SLFN12L: variants seen among roughly 807,000 people sequenced by gnomAD.
SLFN12L encodes the protein schlafen family member 12 like.
SLFN12L carries 34 observed loss-of-function variants against 34.8 expected under a neutral mutation model. The observed-to-expected ratio is 0.98, with a 90% CI of 0.74 to 1.30. The LOEUF (loss-of-function observed/expected upper bound fraction) is 1.30. Among genes scored for constraint, SLFN12L ranks in the 50% most tolerant of loss-of-function variants. The pLI is 0.00. For missense variants in SLFN12L, 703 were observed against 696.2 expected, an observed-to-expected ratio of 1.01 and a Z score of -0.11; for synonymous variants, 259 against 247.5, an observed-to-expected ratio of 1.05 and a Z score of -0.44.
chr17:35,470,169 A>G lies in SLFN12L; in HGVS notation c.*4754T>C, dbSNP rs1003617667. 3.9e-5 allele frequency: 6 copies of G among 152,234 alleles called. No homozygotes were observed. The highest frequency in any genetic ancestry group is 7.3e-5 in the Non-Finnish European group (5 of 68,044). The allele number at this position is 152,234 out of a possible 1,614,324, so 9.4% of individuals were successfully genotyped here. A position where few individuals can be genotyped will look rare whatever the true frequency, so the allele number is the denominator to read the frequency against. On this transcript the variant is annotated 3_prime_UTR_variant, in exon 5 of 5. Coordinates refer to ENST00000628453, the MANE Select transcript of SLFN12L (RefSeq NM_001363830.2). ...ATCTGAAGGTTTCACCAAAGTTTAT[A>G]TTTTCCTACTGCAAAACTATGTTCC...
intron 1 of SLFN12L, among the ~76,000 whole-genome samples, chr17:35,526,066 TG>T (rs2072331844): frequency 6.6e-6 from 1 of 152,150 alleles, no homozygotes; most frequent in Non-Finnish European, 1.5e-5. Flanking sequence ...TCTTAGTCTC[TG>T]ATAAAACAGA....
In SLFN12L at chr17:35,488,355, A is replaced by C. The variant is rs936981661; in HGVS notation, c.87-8160T>G. Among the ~76,000 whole-genome samples, 119 of 152,178 alleles carry C rather than the reference A, an allele frequency of 7.8e-4. 1 individual carries two copies. Among genetic ancestry groups the C allele is most frequent in the Non-Finnish European group, 9.4e-4 (64 of 68,026 alleles). On this transcript the variant is annotated intron_variant, in intron 2 of 4. Coordinates refer to ENST00000628453, the MANE Select transcript of SLFN12L (RefSeq NM_001363830.2). ...AGCAGCTACTAATGCACAGGGGAGG[A>C]GGGAGGTGCGAGGAGCGGGTTGCTC...
intron 1 of SLFN12L, among the ~76,000 whole-genome samples, chr17:35,532,560 C>A (rs1315707475): frequency 6.6e-6 from 1 of 151,986 alleles, no homozygotes; most frequent in East Asian, 1.9e-4. Flanking sequence ...TTATAAAGTA[C>A]CTGGCTCCGT....
intron 2 of SLFN12L, among the ~76,000 whole-genome samples, chr17:35,494,276 T>C (rs1246120511): frequency 6.6e-6 from 1 of 152,052 alleles, no homozygotes; most frequent in East Asian, 1.9e-4. Context: ...TGTAAACAGA[T>C]TTGTTACAGG....
chr17:35,526,133 G>C (rs2072332547), intron 1 of SLFN12L, among the ~76,000 whole-genome samples: 1 of 152,052 alleles, frequency 6.6e-6, no homozygotes, highest in Non-Finnish European at 1.5e-5. Flanking sequence ...AATGGTAAAG[G>C]GATCAATGCA....
At chr17:35,520,263 G>A (rs1915957541) in intron 2 of SLFN12L, among the ~76,000 whole-genome samples, 2 of 152,180 alleles carry the variant, frequency 1.3e-5, no homozygotes, top group Non-Finnish European at 2.9e-5. Context: ...GCTTTGACTG[G>A]ACAAGAGACT....
At chr17:35,515,153 A>T in intron 2 of SLFN12L, 2 of 626,208 alleles carry the variant, frequency 3.2e-6, no homozygotes, top group South Asian at 2.7e-5. Flanking sequence ...AGGGCCCCGA[A>T]TACTCCAGCG....
chr17:35,513,518 C>T (rs1047053871), intron 2 of SLFN12L, among the ~76,000 whole-genome samples: 1 of 152,180 alleles, frequency 6.6e-6, no homozygotes, highest in Non-Finnish European at 1.5e-5. Flanking sequence ...CTGCTCAGTT[C>T]GACAGATGCC....
In SLFN12L at chr17:35,465,659, G is replaced by T. The variant is rs912825828; in HGVS notation, c.*9264C>A. 1.3e-5 allele frequency among the ~76,000 whole-genome samples: 2 copies of T among 151,094 alleles called. No individual in the cohort carries two copies. Among genetic ancestry groups the T allele is most frequent in the African/African-American group, 4.9e-5 (2 of 41,028 alleles). On this transcript the variant is annotated 3_prime_UTR_variant, in exon 5 of 5. Coordinates refer to ENST00000628453, the MANE Select transcript of SLFN12L (RefSeq NM_001363830.2). ...CTTGTCCGTTTAACAGCCCAGTGTT[G>T]CCTGTTCTTAAACCTGGAAAATAAT...
chr17:35,476,510 G>T (rs1914025168), intron 4 of SLFN12L, among the ~76,000 whole-genome samples: 1 of 143,846 alleles, frequency 7.0e-6, no homozygotes, highest in African/African-American at 2.7e-5. Flanking sequence ...AGGAAGGAAG[G>T]AAGGAAGGAA....
rs9286730 is a variant in SLFN12L at position 35,469,337 on chromosome 17, T to A, written c.*5586A>T. 1.2e-4 allele frequency among the ~76,000 whole-genome samples: 13 copies of A among 104,498 alleles called. No homozygotes were observed. The highest frequency in any genetic ancestry group is 6.4e-3 in the Middle Eastern group (1 of 156). 68.6% of individuals were successfully genotyped at this position (104,498 alleles called of 152,430 possible). On this transcript the variant is annotated 3_prime_UTR_variant, in exon 5 of 5. Coordinates refer to ENST00000628453, the MANE Select transcript of SLFN12L (RefSeq NM_001363830.2). ...TATATTATATATATAAATATATATATAATATATATATATATGTATTTCAAA... is the reference window on the plus strand; with the variant it reads ...TATATTATATATATAAATATATATAAAATATATATATATATGTATTTCAAA...
At chr17:35,495,634 G>A (rs1450835276) in intron 2 of SLFN12L, among the ~76,000 whole-genome samples, 1 of 151,766 alleles carries the variant, frequency 6.6e-6, no homozygotes, top group Non-Finnish European at 1.5e-5. Flanking sequence ...GGGGTGGGTT[G>A]CGGCGCTCAG....
At position 35,519,467 on chromosome 17, in the gene SLFN12L, T is replaced by C. The variant is rs9907489; in HGVS notation, c.86+2812A>G. On this transcript the variant is annotated intron_variant, in intron 2 of 4. Transcript: ENST00000628453. Reference sequence around the variant, plus strand: ...AAAATATTAAATAAATACCTATAAGTTCATTCATACAAGTAAAAGATTGAA... The same window carrying C: ...AAAATATTAAATAAATACCTATAAGCTCATTCATACAAGTAAAAGATTGAA... Among the ~76,000 whole-genome samples, 294 of 152,304 alleles carry C rather than the reference T, an allele frequency of 1.9e-3. 3 individuals carry two copies. Among genetic ancestry groups the C allele is most frequent in the African/African-American group, 6.9e-3 (287 of 41,558 alleles).
chr17:35,479,216 C>G lies in SLFN12L; in HGVS notation c.1066G>C (p.Val356Leu). The change falls in exon 3 of 5, where the codon GTG becomes CTG. Residue 356 changes from valine (V) to leucine (L), a missense_variant. Val to Leu is a conservative substitution (Grantham distance 32, BLOSUM62 1). Transcript: ENST00000628453. ...CAGGAATCAGGCTTTTTAGCAAACA[C>G]TGCACAGCAGAAGCGTTCCACTCTG... ...ALRVERFCCA[V>L]FAKKPDSWHV... is the part of the protein sequence containing the mutation. The G allele has an allele frequency of 6.3e-7, 1 of 1,587,168 alleles. No individual in the cohort carries two copies. Among genetic ancestry groups the G allele is most frequent in the East Asian group, 2.3e-5 (1 of 43,594 alleles).
chr17:35,502,984 G>GA (rs36056056), intron 2 of SLFN12L, among the ~76,000 whole-genome samples: 72,185 of 151,706 alleles, frequency 0.48, 19,301 homozygotes, highest in African/African-American at 0.72. Context: ...TCGTGAAAGA[G>GA]AAAAAAAGTT....
At chr17:35,487,714 A>C (rs111528560) in intron 2 of SLFN12L, 1 of 1,326,548 alleles carries the variant, frequency 7.5e-7, no homozygotes, top group South Asian at 1.3e-5. Context: ...TTTAAAGAAA[A>C]AGAGAACGAA....
intron 1 of SLFN12L, among the ~76,000 whole-genome samples, chr17:35,524,648 G>A (rs2072316555): frequency 6.6e-6 from 1 of 152,176 alleles, no homozygotes; most frequent in African/African-American, 2.4e-5. Context: ...CTGTTAGAAG[G>A]AAAACTAACA....
chr17:35,522,180 ATAATT>A (rs1402307912), intron 2 of SLFN12L, 94 bp downstream of exon 2: 1 of 1,496,952 alleles, frequency 6.7e-7, no homozygotes, highest in African/African-American at 1.4e-5. Flanking sequence ...GTTGTCACAG[ATAATT>A]TTACCACTTA....
chr17:35,494,151 T>C (rs1466613917), intron 2 of SLFN12L, among the ~76,000 whole-genome samples: 2 of 152,106 alleles, frequency 1.3e-5, no homozygotes, highest in African/African-American at 2.4e-5. Context: ...TCTCCCAAAA[T>C]TGGGAGTAGG....
Sources: gnomAD v4.1 joint callset for allele counts (sites outside exome capture counted in the v4.1 genomes callset) on GRCh38, gnomAD v4.1.1 for gene constraint, MANE v1.5 for transcripts, NCBI Gene and HGNC (gene_info 2026-07-23, HGNC 2026-07-21) for gene names.